Variants in CDH23 observed in about 807,000 individuals in gnomAD.
CDH23 encodes cadherin-23.
A neutral mutation model predicts 317.1 loss-of-function variants in CDH23; 189 were observed. The observed-to-expected ratio is 0.60, with a 90% CI of 0.53 to 0.67. The LOEUF is 0.67. CDH23 is among the 30% of genes least tolerant of loss of function. CDH23 has a pLI of 0.00. For missense variants in CDH23, 4,401 were observed against 4,592.4 expected (o/e 0.96, Z 1.20); for synonymous variants, 1,839 against 1,876.8 (o/e 0.98, Z 0.52).
intron 14 of CDH23, among the ~76,000 whole-genome samples, chr10:71,671,308 G>A (rs115910237): frequency 1.3e-5 from 2 of 152,192 alleles, no homozygotes; most frequent in African/African-American, 4.8e-5. Flanking sequence ...ATGGCCAGCT[G>A]GGCCATCCCC....
intron 31 of CDH23, 124 bp downstream of exon 31, chr10:71,730,728 C>A: frequency 1.4e-6 from 2 of 1,386,634 alleles, no homozygotes; most frequent in Admixed American, 4.0e-5. Flanking sequence ...CATGTCTAGG[C>A]CAGGGAGGGG....
In CDH23 at chr10:71,803,287, C is replaced by T; in HGVS notation, c.7739C>T (p.Thr2580Ile). ...CAGTCCTACGAGAAGTTCAGTCTGA[C>T]CGTGGTGGCCACAGATGGTGGAGAG... is the stretch of plus-strand genomic sequence containing the variant. Reference protein sequence around the residue: ...PLQSYEKFSLTVVATDGGEPP... With the variant: ...PLQSYEKFSLIVVATDGGEPP... Residue 2580 changes from threonine (T) to isoleucine (I), a missense_variant, in exon 55 of 70, where the codon ACC becomes ATC. This residue lies in a region of CDH23 where 1,144 missense variants were observed against 1,138.2 expected (regional missense o/e 1.01). Coordinates refer to ENST00000224721, the MANE Select transcript of CDH23 (RefSeq NM_022124.6). The T allele has an allele frequency of 6.3e-7, 1 of 1,590,030 alleles. No homozygotes were observed. The highest frequency in any genetic ancestry group is 1.1e-5 in the South Asian group (1 of 87,654).
intron 67 of CDH23, 45 bp downstream of exon 67, chr10:71,812,654 G>C (rs754434071): frequency 2.9e-5 from 47 of 1,613,038 alleles, no homozygotes; most frequent in Non-Finnish European, 3.9e-5. Flanking sequence ...GGGGTGGAGG[G>C]GCTGGGTCTT....
chr10:71,680,646 G>A (rs1391117986), intron 17 of CDH23, among the ~76,000 whole-genome samples: 4 of 150,688 alleles, frequency 2.7e-5, no homozygotes, highest in African/African-American at 9.7e-5. Context: ...TACTCGGAAG[G>A]CTGAGGCAGG....
chr10:71,609,993 T>TGTGA (rs544490293), intron 9 of CDH23, among the ~76,000 whole-genome samples: 3 of 137,692 alleles, frequency 2.2e-5, no homozygotes, highest in African/African-American at 5.7e-5. Context: ...TGTGTGTGTG[T>TGTGA]GTGAGAGAGA....
At chr10:71,651,696 C>A (rs935598729) in intron 14 of CDH23, among the ~76,000 whole-genome samples, 8 of 152,140 alleles carry the variant, frequency 5.3e-5, no homozygotes, top group Non-Finnish European at 1.2e-4. Context: ...CTCTTCTTCC[C>A]AAATTGATAC....
rs149203981 is a variant in CDH23, at chr10:71,542,324, A to T, written c.430-24418A>T. Among the ~76,000 whole-genome samples, 142 of 152,282 alleles carry T rather than the reference A, an allele frequency of 9.3e-4. No individual in the cohort carries two copies. The highest frequency in any genetic ancestry group is 3.2e-3 in the African/African-American group (132 of 41,564). ...TTCTCCAGAACCTCCTTTTCCTCAT[A>T]TGGAGAATGAGGGAGAGTGGGATAG... On this transcript the variant is annotated intron_variant, in intron 6 of 69. Transcript: ENST00000224721.
rs564141958 is a variant in CDH23 at position 71,582,442 on chromosome 10, A to G, written c.832+4450A>G. Among the ~76,000 whole-genome samples the G allele has an allele frequency of 2.6e-5, 4 of 152,370 alleles. No individual in the cohort carries two copies. The South Asian group carries it at 8.3e-4, about 32-fold the overall frequency. The stretch of plus-strand genomic sequence containing the variant: ...ATTTTGGATATACTGGGTGAAATAC[A>G]ACATATTATTAAAATTAATGTTATC... On this transcript the variant is annotated intron_variant, in intron 9 of 69. Coordinates refer to ENST00000224721, the MANE Select transcript of CDH23 (RefSeq NM_022124.6).
intron 9 of CDH23, among the ~76,000 whole-genome samples, chr10:71,604,782 G>A (rs1355279804): frequency 1.3e-5 from 2 of 152,188 alleles, no homozygotes; most frequent in East Asian, 3.9e-4. Context: ...GCAGGACTGG[G>A]CCCCTTTTGG....
chr10:71,770,278 T>G (rs958018972), intron 38 of CDH23, among the ~76,000 whole-genome samples: 1 of 152,212 alleles, frequency 6.6e-6, no homozygotes, highest in African/African-American at 2.4e-5. Context: ...ACAGTTGCCC[T>G]CCAAGGGAGG....
chr10:71,716,653 C>T (rs983781153), intron 28 of CDH23: 2 of 281,594 alleles, frequency 7.1e-6, no homozygotes, highest in African/African-American at 4.4e-5. Flanking sequence ...TGAATCATCA[C>T]AGGGTCTTAG....
At chr10:71,431,095 G>T (rs1196518477) in intron 1 of CDH23, among the ~76,000 whole-genome samples, 2 of 152,190 alleles carry the variant, frequency 1.3e-5, no homozygotes, top group Admixed American at 6.5e-5. Flanking sequence ...TTGTGGGATG[G>T]GGAGACAGGA....
At chr10:71,544,119 A>C (rs916180662) in intron 6 of CDH23, among the ~76,000 whole-genome samples, 32 of 152,114 alleles carry the variant, frequency 2.1e-4, no homozygotes, top group African/African-American at 7.7e-4. Flanking sequence ...AGCTTTTATT[A>C]TTCACCTGGC....
intron 3 of CDH23, among the ~76,000 whole-genome samples, chr10:71,509,348 G>T (rs1853822099): frequency 6.6e-6 from 1 of 152,206 alleles, no homozygotes; most frequent in Non-Finnish European, 1.5e-5. Flanking sequence ...CCAAAGAAAA[G>T]GTTGCAAGGG....
chr10:71,778,555 A>G (rs1206858262), intron 40 of CDH23, among the ~76,000 whole-genome samples: 1 of 152,156 alleles, frequency 6.6e-6, no homozygotes, highest in African/African-American at 2.4e-5. Flanking sequence ...CCTTCATGGG[A>G]AAACCATGAA....
At chr10:71,412,228 T>C (rs748231372) in intron 1 of CDH23, among the ~76,000 whole-genome samples, 5 of 152,252 alleles carry the variant, frequency 3.3e-5, no homozygotes, top group African/African-American at 4.8e-5. Context: ...TTTGGATTGT[T>C]GCCACCTTCT....
rs533738831 is a variant in CDH23, at chr10:71,710,173, A to G, written c.3220+962A>G. ...CAGTTGGCTTTATTCTTCAACTCACATGGTGGCAGGTCGTTGCCCCAGCCT... is the reference window on the plus strand; with the variant it reads ...CAGTTGGCTTTATTCTTCAACTCACGTGGTGGCAGGTCGTTGCCCCAGCCT... On this transcript the variant is annotated intron_variant, in intron 27 of 69. Coordinates refer to ENST00000224721, the MANE Select transcript of CDH23 (RefSeq NM_022124.6). Among the ~76,000 whole-genome samples, 479 of 152,308 alleles carry G rather than the reference A, an allele frequency of 3.1e-3. 2 individuals carry two copies. The highest frequency in any genetic ancestry group is 0.011 in the African/African-American group (454 of 41,558).
intron 28 of CDH23, chr10:71,714,320 T>C (rs1866116723): frequency 6.6e-6 from 1 of 152,010 alleles, no homozygotes; most frequent in Non-Finnish European, 1.5e-5. Context: ...TGGGCCACGC[T>C]TCACTCTGTA....
At chr10:71,543,894 G>A (rs10823780) in intron 6 of CDH23, among the ~76,000 whole-genome samples, 62,472 of 152,006 alleles carry the variant, frequency 0.41, 13,293 homozygotes, top group East Asian at 0.71. Flanking sequence ...TGCAGCAGAC[G>A]GATCCTTGGG....
Sources: allele counts gnomAD v4.1 joint callset (sites outside exome capture counted in the v4.1 genomes callset), GRCh38; gene constraint gnomAD v4.1.1; regional missense constraint gnomAD v4.1.1; transcripts MANE v1.5; gene names NCBI Gene and HGNC (gene_info 2026-07-23, HGNC 2026-07-21).